Variants in RAPGEF2 observed in about 807,000 individuals in gnomAD.
RAPGEF2 encodes the protein Rap guanine nucleotide exchange factor 2.
Under a neutral mutation model 186.7 loss-of-function variants are expected in RAPGEF2, and 54 were observed. That is an observed-to-expected ratio of 0.29 (90% CI 0.23 to 0.36). The LOEUF (loss-of-function observed/expected upper bound fraction) is 0.36, where lower values mean the gene tolerates loss of function less well. Among genes scored for constraint, RAPGEF2 ranks in the 10% least tolerant of loss-of-function variants. RAPGEF2 has a pLI of 1.00. For synonymous variants in RAPGEF2, 712 were observed against 705.9 expected (o/e 1.01, Z -0.14); for missense variants, 1,532 against 2,045.0 (o/e 0.75, Z 4.84).
chr4:159,354,212 T>C (rs1445973030), intron 28 of RAPGEF2, among the ~76,000 whole-genome samples, 166 bp downstream of exon 28: 3 of 152,198 alleles, frequency 2.0e-5, no homozygotes, highest in African/African-American at 7.2e-5. Context: ...TCAATAGTGG[T>C]TAAGAGCCCA....
chr4:159,279,494 T>C (rs1345315884), intron 7 of RAPGEF2, among the ~76,000 whole-genome samples: 4 of 152,164 alleles, frequency 2.6e-5, no homozygotes, highest in Non-Finnish European at 4.4e-5. Flanking sequence ...CAAAGGGCTT[T>C]CATAAGTGCC....
intron 1 of RAPGEF2, among the ~76,000 whole-genome samples, chr4:159,123,576 T>C (rs1268881408): frequency 1.3e-5 from 2 of 150,870 alleles, no homozygotes; most frequent in Admixed American, 1.3e-4. Flanking sequence ...TCTTGTTCTG[T>C]CGCCCAGGCT....
At position 159,358,850 on chromosome 4, in the gene RAPGEF2, C is replaced by T. The variant is rs987325003; in HGVS notation, c.*711C>T. 6.6e-6 allele frequency: 1 copy of T among 152,242 alleles called. No homozygotes were observed. Among genetic ancestry groups the T allele is most frequent in the Non-Finnish European group, 1.5e-5 (1 of 68,054 alleles). The allele number at this position is 152,242 out of a possible 1,614,324, so 9.4% of individuals were successfully genotyped here. On this transcript the variant is annotated 3_prime_UTR_variant, in exon 30 of 30. Coordinates refer to ENST00000691494, the MANE Select transcript of RAPGEF2 (RefSeq NM_001394067.2). ...GGGAAGACCTGGCTTGTGACCCTGG[C>T]TTCCCATGTCCTTCTGGTCTCACCC...
chr4:159,198,366 TTTTTCTTTCTTTCCTTCCTTCCTTC>T (rs1749030510), intron 3 of RAPGEF2, among the ~76,000 whole-genome samples: 1 of 131,738 alleles, frequency 7.6e-6, no homozygotes. Context: ...TTCCTTCCTT[TTTTTCTTTCTTTCCTTCCTTCCTTC>T]CTTCCTCTCT....
At chr4:159,217,287 T>C (rs1238521053) in intron 4 of RAPGEF2, among the ~76,000 whole-genome samples, 1 of 152,206 alleles carries the variant, frequency 6.6e-6, no homozygotes, top group Non-Finnish European at 1.5e-5. Flanking sequence ...GTGAGCAAAG[T>C]ATACAATAGG....
At chr4:159,143,931 C>A (rs974560703) in intron 1 of RAPGEF2, among the ~76,000 whole-genome samples, 21 of 152,164 alleles carry the variant, frequency 1.4e-4, no homozygotes, top group African/African-American at 4.3e-4. Context: ...TGTGTATAGT[C>A]AGTTTGTTCA....
At chr4:159,241,663 C>T (rs1754023451) in intron 6 of RAPGEF2, among the ~76,000 whole-genome samples, 1 of 151,520 alleles carries the variant, frequency 6.6e-6, no homozygotes, top group Non-Finnish European at 1.5e-5. Context: ...ACTTTGCTAG[C>T]TCCTTTATTT....
intron 1 of RAPGEF2, among the ~76,000 whole-genome samples, chr4:159,167,373 G>A (rs944249850): frequency 6.6e-6 from 1 of 152,158 alleles, no homozygotes; most frequent in Non-Finnish European, 1.5e-5. Context: ...AAAAGTCAGA[G>A]TCCAGGAGTC....
intron 7 of RAPGEF2, among the ~76,000 whole-genome samples, chr4:159,269,256 T>G (rs1048014511): frequency 2.6e-5 from 4 of 152,182 alleles, no homozygotes; most frequent in Admixed American, 2.6e-4. Context: ...CCAAGAGATG[T>G]TCTTAGACTA....
chr4:159,343,511 G>A, intron 22 of RAPGEF2, 107 bp downstream of exon 22: 2 of 1,414,456 alleles, frequency 1.4e-6, no homozygotes, highest in Admixed American at 2.1e-5. Context: ...TTGTAGTACG[G>A]CAGAAATTAT....
At chr4:159,295,742 TGTGTGTGTGTGTGCGCGC>T (rs757028445) in intron 7 of RAPGEF2, among the ~76,000 whole-genome samples, 106 of 133,500 alleles carry the variant, frequency 7.9e-4, no homozygotes, top group Non-Finnish European at 1.1e-3. Flanking sequence ...TGTGTGTGTG[TGTGTGTGTGTGTGCGCGC>T]GCGCGCGCGC....
At chr4:159,350,864 A>AT (rs1731073375) in intron 26 of RAPGEF2, among the ~76,000 whole-genome samples, 1 of 152,232 alleles carries the variant, frequency 6.6e-6, no homozygotes, top group Admixed American at 6.5e-5. Flanking sequence ...GTGTAAGCCA[A>AT]TAATAAATGG....
chr4:159,206,106 A>T (rs1749958359), intron 3 of RAPGEF2, among the ~76,000 whole-genome samples: 1 of 151,754 alleles, frequency 6.6e-6, no homozygotes, highest in Non-Finnish European at 1.5e-5. Flanking sequence ...TTTTTTTTGC[A>T]TTTTTAGTAA....
chr4:159,199,174 C>T (rs1306130344), intron 3 of RAPGEF2, among the ~76,000 whole-genome samples: 1 of 152,082 alleles, frequency 6.6e-6, no homozygotes, highest in East Asian at 1.9e-4. Flanking sequence ...AACCACCTCG[C>T]CTGTATGTAA....
chr4:159,318,074 T>G (rs1156374100), intron 9 of RAPGEF2, among the ~76,000 whole-genome samples: 1 of 151,986 alleles, frequency 6.6e-6, no homozygotes. Context: ...AAAAAAGTGC[T>G]TGTCAATATA....
intron 1 of RAPGEF2, among the ~76,000 whole-genome samples, chr4:159,139,220 A>G (rs1386930191): frequency 3.3e-5 from 5 of 152,232 alleles, no homozygotes; most frequent in Non-Finnish European, 5.9e-5. Context: ...CAGTGAAAGC[A>G]GTACCCATAG....
intron 26 of RAPGEF2, among the ~76,000 whole-genome samples, chr4:159,350,904 C>CA (rs1229663534): frequency 6.6e-6 from 1 of 152,174 alleles, no homozygotes; most frequent in Admixed American, 6.5e-5. Flanking sequence ...AAAGGAAAGC[C>CA]AAAAGGGCTT....
intron 3 of RAPGEF2, among the ~76,000 whole-genome samples, chr4:159,194,165 G>T (rs1024552124): frequency 5.3e-5 from 8 of 152,168 alleles, no homozygotes; most frequent in Admixed American, 2.6e-4. Flanking sequence ...TAGGCAGAAG[G>T]AACAGTATGT....
chr4:159,299,430 TAAA>T (rs56009800), intron 7 of RAPGEF2, among the ~76,000 whole-genome samples: 1 of 140,660 alleles, frequency 7.1e-6, no homozygotes. Flanking sequence ...TCTTTTACAT[TAAA>T]AAAAAAAAAA....
Sources: allele counts gnomAD v4.1 joint callset (sites outside exome capture counted in the v4.1 genomes callset), GRCh38; gene constraint gnomAD v4.1.1; transcripts MANE v1.5; gene names NCBI Gene and HGNC (gene_info 2026-07-23, HGNC 2026-07-21).